BARD1: variants seen among roughly 807,000 people sequenced by gnomAD.
BARD1 encodes BRCA1-associated RING domain protein 1.
A neutral mutation model predicts 77.0 loss-of-function variants in BARD1; 73 were observed. The ratio of observed to expected loss-of-function variants is 0.95; its 90% CI spans 0.79 to 1.15. The LOEUF (loss-of-function observed/expected upper bound fraction) is 1.15, where lower values mean the gene tolerates loss of function less well. BARD1 is among the 50% of genes most tolerant of loss of function. The probability of loss-of-function intolerance (pLI) is 0.00; values close to 1 mark genes in which losing one functional copy is unlikely to be tolerated. For missense variants in BARD1, 993 were observed against 938.8 expected (o/e 1.06, Z -0.75); for synonymous variants, 384 against 338.0 (o/e 1.14, Z -1.49).
At chr2:214,796,355 G>C (rs547207794) in intron 2 of BARD1, among the ~76,000 whole-genome samples, 2 of 152,292 alleles carry the variant, frequency 1.3e-5, no homozygotes, top group East Asian at 3.9e-4. Context: ...GGAAAAAGAG[G>C]CTCTAGACGA....
chr2:214,761,072 A>G (rs796073036), intron 6 of BARD1, among the ~76,000 whole-genome samples: 2 of 47,680 alleles, frequency 4.2e-5, no homozygotes, highest in Non-Finnish European at 9.2e-5. Flanking sequence ...TTGATGGGAT[A>G]AAAAAAAAAA....
At chr2:214,796,358 C>T (rs1440919089) in intron 2 of BARD1, among the ~76,000 whole-genome samples, 3 of 152,134 alleles carry the variant, frequency 2.0e-5, no homozygotes, top group African/African-American at 4.8e-5. Flanking sequence ...AAAAGAGGCT[C>T]TAGACGATCA....
intron 2 of BARD1, among the ~76,000 whole-genome samples, chr2:214,794,715 G>A (rs1394601810): frequency 6.6e-6 from 1 of 152,146 alleles, no homozygotes; most frequent in East Asian, 1.9e-4. Flanking sequence ...GTATCTTAGA[G>A]AGTAGATGAA....
At chr2:214,759,415 T>C (rs748252253) in intron 6 of BARD1, among the ~76,000 whole-genome samples, 1 of 152,160 alleles carries the variant, frequency 6.6e-6, no homozygotes, top group Non-Finnish European at 1.5e-5. Context: ...GGAAGACAGA[T>C]TACCAATGAT....
At chr2:214,806,189 T>C (rs1270743473) in intron 1 of BARD1, among the ~76,000 whole-genome samples, 1 of 152,166 alleles carries the variant, frequency 6.6e-6, no homozygotes, top group Non-Finnish European at 1.5e-5. Flanking sequence ...CCCGGTTATG[T>C]ACCAATCCAC....
At chr2:214,787,629 A>T (rs1334698065) in intron 3 of BARD1, among the ~76,000 whole-genome samples, 1 of 151,978 alleles carries the variant, frequency 6.6e-6, no homozygotes, top group Non-Finnish European at 1.5e-5. Flanking sequence ...TCTGCACAGA[A>T]AATTCCTTAA....
intron 1 of BARD1, among the ~76,000 whole-genome samples, chr2:214,800,166 C>T (rs1323724671): frequency 6.6e-6 from 1 of 152,220 alleles, no homozygotes; most frequent in Non-Finnish European, 1.5e-5. Flanking sequence ...TCTTAACCTT[C>T]ACTCTAGCAA....
chr2:214,740,483 A>G (rs1376799305), intron 9 of BARD1, among the ~76,000 whole-genome samples: 3 of 152,090 alleles, frequency 2.0e-5, no homozygotes, highest in Non-Finnish European at 4.4e-5. Context: ...AGTCCTCTTC[A>G]GTAACCCACC....
chr2:214,781,896 ATTG>A lies in BARD1; in HGVS notation c.365-390_365-388del, dbSNP rs555330485. Among the ~76,000 whole-genome samples the A allele has an allele frequency of 1.6e-4, 25 of 152,334 alleles. No homozygotes were observed. The South Asian group carries it at 4.8e-3, about 29-fold the overall frequency. ...TACCATGTTCATGAACTATAACAAT[ATTG>A]TTAAGATGCCAATTGTTCCAAACAG... On this transcript the variant is annotated intron_variant, in intron 3 of 10. Coordinates refer to ENST00000260947, the MANE Select transcript of BARD1 (RefSeq NM_000465.4).
rs148632364 is a variant in BARD1 at position 214,759,239 on chromosome 2, G to A, written c.1569-6684C>T. ...ACTTCAGAATTCAACATCCTTCCAA[G>A]GAAAACTGTTAATGGCAGATCAAGT... On this transcript the variant is annotated intron_variant, in intron 6 of 10. Transcript: ENST00000260947. Among the ~76,000 whole-genome samples the A allele has an allele frequency of 3.5e-3, 527 of 152,102 alleles. 1 individual carries two copies. The highest frequency in any genetic ancestry group is 4.9e-3 in the Non-Finnish European group (333 of 67,992).
chr2:214,758,724 T>A (rs796930195), intron 6 of BARD1, among the ~76,000 whole-genome samples: 26 of 152,338 alleles, frequency 1.7e-4, no homozygotes, highest in African/African-American at 6.3e-4. Flanking sequence ...ACTGTGGTGT[T>A]CAATGTTTCA....
chr2:214,739,418 A>G (rs1476451640), intron 9 of BARD1, among the ~76,000 whole-genome samples: 2 of 152,176 alleles, frequency 1.3e-5, no homozygotes, highest in Non-Finnish European at 2.9e-5. Flanking sequence ...TGATTCTATT[A>G]AAAATCAACA....
chr2:214,751,585 C>A (rs1392018807), intron 7 of BARD1, among the ~76,000 whole-genome samples: 1 of 152,020 alleles, frequency 6.6e-6, no homozygotes, highest in East Asian at 1.9e-4. Context: ...TATCTGAAAT[C>A]CCTGCTAAGC....
In BARD1 at chr2:214,767,533, T is replaced by TGA; in HGVS notation, c.1516_1517insTC (p.His506LeufsTer5). On this transcript the variant is annotated frameshift_variant, in exon 6 of 11. Coordinates refer to ENST00000260947, the MANE Select transcript of BARD1 (RefSeq NM_000465.4). LOFTEE classifies it high-confidence loss of function. ...AAGTAACAGCTTGACTATATCCACATGCCCATTCTTGGCTGCATCGTGAAG... is the reference window on the plus strand; with the variant it reads ...AAGTAACAGCTTGACTATATCCACATGAGCCCATTCTTGGCTGCATCGTGAAG... 6.2e-7 allele frequency: 1 copy of TGA among 1,614,044 alleles called. No individual in the cohort carries two copies. Among genetic ancestry groups the TGA allele is most frequent in the Non-Finnish European group, 8.5e-7 (1 of 1,179,894 alleles).
intron 6 of BARD1, among the ~76,000 whole-genome samples, chr2:214,759,717 G>T (rs914648882): frequency 6.6e-6 from 1 of 151,970 alleles, no homozygotes; most frequent in African/African-American, 2.4e-5. Context: ...AAAGATTTAG[G>T]GCCCAAAAAC....
At chr2:214,781,993 T>C (rs935495577) in intron 3 of BARD1, among the ~76,000 whole-genome samples, 2 of 152,092 alleles carry the variant, frequency 1.3e-5, no homozygotes, top group Non-Finnish European at 2.9e-5. Flanking sequence ...CAAGCAATTA[T>C]AAAATTTACA....
At chr2:214,754,384 G>A (rs1435871886) in intron 6 of BARD1, among the ~76,000 whole-genome samples, 1 of 151,172 alleles carries the variant, frequency 6.6e-6, no homozygotes, top group Non-Finnish European at 1.5e-5. Flanking sequence ...CATACACTAG[G>A]ACTTTTTGAC....
chr2:214,774,017 T>C (rs2106093155), intron 4 of BARD1, among the ~76,000 whole-genome samples: 1 of 152,310 alleles, frequency 6.6e-6, no homozygotes, highest in South Asian at 2.1e-4. Context: ...GTAGATTCCA[T>C]CTGCAGAAAC....
chr2:214,745,025 T>C lies in BARD1; in HGVS notation c.1903+42A>G, dbSNP rs965303838. 8.5e-6 allele frequency: 13 copies of C among 1,536,024 alleles called. No individual in the cohort carries two copies. The highest frequency in any genetic ancestry group is 1.7e-4 in the Middle Eastern group (1 of 5,884). ...CATTAATAACCATGAAAAACAAAAC[T>C]AGTCTAATTCATTTCTTAATTCTCT... On this transcript the variant is annotated intron_variant, in intron 9 of 10. Transcript: ENST00000260947.
Sources: gnomAD v4.1 joint callset for allele counts (sites outside exome capture counted in the v4.1 genomes callset) on GRCh38, gnomAD v4.1.1 for gene constraint, MANE v1.5 for transcripts, NCBI Gene and HGNC (gene_info 2026-07-23, HGNC 2026-07-21) for gene names.